CRISPLD1: variants seen among roughly 807,000 people sequenced by gnomAD.
The protein encoded by CRISPLD1 is cysteine rich secretory protein LCCL domain containing 1.
CRISPLD1 carries 60 observed loss-of-function variants against 77.5 expected under a neutral mutation model. The ratio of observed to expected loss-of-function variants is 0.77; its 90% confidence interval spans 0.63 to 0.96. The LOEUF (loss-of-function observed/expected upper bound fraction) is 0.96. Ranked by LOEUF, CRISPLD1 falls within the 40% of genes least tolerant of loss-of-function variation. The pLI is 0.00. For missense variants in CRISPLD1, 623 were observed against 615.8 expected (o/e 1.01, Z -0.12); for synonymous variants, 195 against 200.1 (o/e 0.97, Z 0.22).
intron 12 of CRISPLD1, among the ~76,000 whole-genome samples, chr8:75,025,219 T>C (rs1367687365): frequency 2.0e-5 from 3 of 152,312 alleles, no homozygotes; most frequent in Admixed American, 1.3e-4. Context: ...TTCCAAGTTA[T>C]TGGTTTACTA....
chr8:75,028,483 T>C (rs190220712), intron 13 of CRISPLD1, among the ~76,000 whole-genome samples: 49 of 152,296 alleles, frequency 3.2e-4, no homozygotes, highest in Admixed American at 2.0e-3. Context: ...GTTCAAATAT[T>C]GTCTTTGGTT....
rs147818795 is a variant in CRISPLD1 at position 75,014,100 on chromosome 8, A to G, written c.624A>G (p.Pro208=). The change falls in exon 5 of 15, where the codon CCA becomes CCG. Residue 208 remains proline (P), a splice_region_variant and synonymous_variant. Transcript: ENST00000262207. ...KAVYLVCNYS[P]KGNWWGHAPY... ...TCTACCTGGTGTGCAATTACTCCCCAAAGTGAGTAGACAAAACACTACGTT... is the reference window on the plus strand; with the variant it reads ...TCTACCTGGTGTGCAATTACTCCCCGAAGTGAGTAGACAAAACACTACGTT... 8.2e-6 allele frequency: 13 copies of G among 1,580,956 alleles called. No individual in the cohort carries two copies. The African/African-American group carries it at 1.5e-4, about 18-fold the overall frequency.
In CRISPLD1 at chr8:75,012,973, C is replaced by T. The variant is rs767877678; in HGVS notation, c.461C>T (p.Pro154Leu). The change falls in exon 4 of 15, where the codon CCA becomes CTA. Residue 154 changes from proline to leucine, a missense_variant. By Grantham distance (98) the Pro-to-Leu change is moderately conservative. Transcript: ENST00000262207. ...TACCCATATGAACATGAATGCAACC[C>T]ATATTGTCCATTCAGGTGTTCTGGC... is the stretch of plus-strand genomic sequence containing the variant. ...FSYPYEHECN[P>L]YCPFRCSGPV... 1 of 1,612,588 alleles carries T rather than the reference C, an allele frequency of 6.2e-7. No individual in the cohort carries two copies. The highest frequency in any genetic ancestry group is 8.5e-7 in the Non-Finnish European group (1 of 1,179,098).
At chr8:75,011,395 G>C (rs1166710618) in intron 2 of CRISPLD1, among the ~76,000 whole-genome samples, 1 of 149,130 alleles carries the variant, frequency 6.7e-6, no homozygotes, top group East Asian at 2.0e-4. Flanking sequence ...ACTCTTTTCA[G>C]CTTCATCACT....
At position 75,032,173 on chromosome 8, in the gene CRISPLD1, T is replaced by A; in HGVS notation, c.1452-18T>A. On this transcript the variant is annotated intron_variant, in intron 14 of 14. Coordinates refer to ENST00000262207, the MANE Select transcript of CRISPLD1 (RefSeq NM_031461.6). ...AGATGACATCAATATACTTTTCATA[T>A]ATTTTTTTTTTTTGCAGTTTACAGA... 1 of 1,528,250 alleles carries A rather than the reference T, an allele frequency of 6.5e-7. No individual in the cohort carries two copies. The highest frequency in any genetic ancestry group is 8.9e-7 in the Non-Finnish European group (1 of 1,126,384). The allele number at this position is 1,528,250 out of a possible 1,614,324, so 94.7% of individuals were successfully genotyped here. A position where few individuals can be genotyped will look rare whatever the true frequency, so the allele number is the denominator to read the frequency against.
chr8:75,004,077 C>G (rs1812789377), intron 2 of CRISPLD1, among the ~76,000 whole-genome samples: 1 of 151,988 alleles, frequency 6.6e-6, no homozygotes, highest in South Asian at 2.1e-4. Context: ...AGGTTTTAAG[C>G]CTTTGTTTTA....
At chr8:75,025,327 A>G (rs1813212800) in intron 12 of CRISPLD1, among the ~76,000 whole-genome samples, 1 of 152,066 alleles carries the variant, frequency 6.6e-6, no homozygotes. Flanking sequence ...AAGCTTCCTA[A>G]CTAATTTTTT....
rs1159139185 is a variant in CRISPLD1, at chr8:75,012,444, A to G, written c.270A>G (p.Val90=). 5 of 1,609,616 alleles carry G rather than the reference A, an allele frequency of 3.1e-6. No homozygotes were observed. The highest frequency in any genetic ancestry group is 4.3e-6 in the Non-Finnish European group (5 of 1,176,186). The part of the protein sequence containing the change: ...ASNMEYMTWD[V]ELERSAESWA... ...GTTTTAAACTGTAGACATGGGATGT[A>G]GAGCTGGAAAGATCTGCAGAATCCT... Residue 90 remains valine (V), a synonymous_variant, in exon 3 of 15, where the codon GTA becomes GTG. Transcript: ENST00000262207.
intron 2 of CRISPLD1, among the ~76,000 whole-genome samples, chr8:75,011,810 A>G (rs927280078): frequency 6.6e-6 from 1 of 152,168 alleles, no homozygotes; most frequent in African/African-American, 2.4e-5. Context: ...CAAAGATAGC[A>G]GCAGCACTGT....
rs1813407592 is a variant in CRISPLD1, at chr8:75,034,248, T to C, written c.*2006T>C. On this transcript the variant is annotated 3_prime_UTR_variant, in exon 15 of 15. Coordinates refer to ENST00000262207, the MANE Select transcript of CRISPLD1 (RefSeq NM_031461.6). ...TTACCTATCTTCTACACAAGGCGTGTCCTTGGGTAAGTTATTTAACTTCAA... is the reference window on the plus strand; with the variant it reads ...TTACCTATCTTCTACACAAGGCGTGCCCTTGGGTAAGTTATTTAACTTCAA... The C allele has an allele frequency of 1.3e-5, 2 of 152,254 alleles. No homozygotes were observed. The highest frequency in any genetic ancestry group is 1.9e-4 in the East Asian group (1 of 5,180). 9.4% of individuals were successfully genotyped at this position (152,254 alleles called of 1,614,324 possible). A position where few individuals can be genotyped will look rare whatever the true frequency, so the allele number is the denominator to read the frequency against.
At chr8:74,988,956 T>G (rs1386536666) in intron 2 of CRISPLD1, among the ~76,000 whole-genome samples, 1 of 152,228 alleles carries the variant, frequency 6.6e-6, no homozygotes, top group Non-Finnish European at 1.5e-5. Flanking sequence ...CAAGAATTCT[T>G]TGTTCATGTC....
At chr8:75,012,674 T>C in intron 3 of CRISPLD1, 123 bp downstream of exon 3, 1 of 818,598 alleles carries the variant, frequency 1.2e-6, no homozygotes, top group Non-Finnish European at 1.9e-6. Context: ...ACGAAACAAG[T>C]AACAAAAAAT....
intron 2 of CRISPLD1, among the ~76,000 whole-genome samples, chr8:74,992,759 C>G (rs1812591157): frequency 6.6e-6 from 1 of 152,128 alleles, no homozygotes; most frequent in African/African-American, 2.4e-5. Context: ...ATCTGAATAC[C>G]TCTCCTTTCG....
At chr8:74,998,642 C>T (rs572071493) in intron 2 of CRISPLD1, among the ~76,000 whole-genome samples, 11 of 139,634 alleles carry the variant, frequency 7.9e-5, no homozygotes, top group South Asian at 4.6e-4. Flanking sequence ...GAGCCAAGAT[C>T]GTGCCACTGC....
At chr8:75,013,481 CTTA>C (rs1812971656) in intron 4 of CRISPLD1, among the ~76,000 whole-genome samples, 1 of 152,070 alleles carries the variant, frequency 6.6e-6, no homozygotes, top group Non-Finnish European at 1.5e-5. Context: ...GCTGATCAGA[CTTA>C]TTATCAGTGA....
chr8:75,015,641 A>G (rs117030672), intron 6 of CRISPLD1, among the ~76,000 whole-genome samples: 2,022 of 152,256 alleles, frequency 0.013, 18 homozygotes, highest in Middle Eastern at 0.027. Flanking sequence ...TATTTGAACA[A>G]TTGCAGCCCT....
Position 75,017,358 on chromosome 8 carries a change from A to G in CRISPLD1, c.1035A>G (p.Ile345Met), listed in dbSNP as rs768661226. 1.2e-6 allele frequency: 2 copies of G among 1,611,500 alleles called. No individual in the cohort carries two copies. The highest frequency in any genetic ancestry group is 1.7e-6 in the Non-Finnish European group (2 of 1,178,986). ...GTAGAGCTGCAATTCATTATGGTAT[A>G]ATAGACAATGATGGTGGCTGGGTAG... Reference protein sequence around the residue: ...SICRAAIHYGIIDNDGGWVDI... With the variant: ...SICRAAIHYGMIDNDGGWVDI... Residue 345 changes from isoleucine (I) to methionine (M), a missense_variant, in exon 10 of 15, where the codon ATA becomes ATG. Physicochemically the swap from Ile to Met is conservative, Grantham distance 10. Coordinates refer to ENST00000262207, the MANE Select transcript of CRISPLD1 (RefSeq NM_031461.6).
In CRISPLD1 at chr8:75,030,838, GTATA is replaced by G. The variant is rs1332693674; in HGVS notation, c.1451+1325_1451+1328del. Among the ~76,000 whole-genome samples, 11 of 150,576 alleles carry G rather than the reference GTATA, an allele frequency of 7.3e-5. No individual in the cohort carries two copies. In the East Asian group the frequency reaches 7.8e-4, roughly 11 times the overall value. On this transcript the variant is annotated intron_variant, in intron 14 of 14. Coordinates refer to ENST00000262207, the MANE Select transcript of CRISPLD1 (RefSeq NM_031461.6). Reference sequence around the variant, plus strand: ...TGTGTATGTATATATGTGTTTCTGTGTATATATGTGAATGTATATATACACACAC... The same window carrying G: ...TGTGTATGTATATATGTGTTTCTGTGTATGTGAATGTATATATACACACAC...
chr8:75,016,549 C>A lies in CRISPLD1; in HGVS notation c.728-16C>A. Reference sequence around the variant, plus strand: ...AAAATAGGGTTAATATTTCCTAAATCTGCTTTCTCTAACAGAAGGGTCAGA... The same window carrying A: ...AAAATAGGGTTAATATTTCCTAAATATGCTTTCTCTAACAGAAGGGTCAGA... On this transcript the variant is annotated splice_polypyrimidine_tract_variant and intron_variant, in intron 6 of 14. Transcript: ENST00000262207. 1 of 1,596,440 alleles carries A rather than the reference C, an allele frequency of 6.3e-7. No homozygotes were observed. The highest frequency in any genetic ancestry group is 1.4e-5 in the African/African-American group (1 of 73,996).
Sources: allele counts gnomAD v4.1 joint callset (sites outside exome capture counted in the v4.1 genomes callset), GRCh38; gene constraint gnomAD v4.1.1; transcripts MANE v1.5; gene names NCBI Gene and HGNC (gene_info 2026-07-23, HGNC 2026-07-21).